CSMD1: variants seen among roughly 807,000 people sequenced by gnomAD.
The protein encoded by CSMD1 is CUB and sushi domain-containing protein 1.
A neutral mutation model predicts 417.5 loss-of-function variants in CSMD1; 213 were observed. The observed-to-expected ratio is 0.51, with a 90% confidence interval of 0.46 to 0.57. The LOEUF is 0.57. Among genes scored for constraint, CSMD1 ranks in the 20% least tolerant of loss-of-function variants. CSMD1 has a pLI of 0.00. For missense variants in CSMD1, 6,923 were observed against 4,529.7 expected (o/e 1.53, Z -15.17); for synonymous variants, 2,862 against 1,736.8 (o/e 1.65, Z -16.11).
In CSMD1 at chr8:4,007,396, T is replaced by G. The variant is rs146139159; in HGVS notation, c.611-9286A>C. On this transcript the variant is annotated intron_variant, in intron 4 of 69. Coordinates refer to ENST00000635120, the MANE Select transcript of CSMD1 (RefSeq NM_033225.6). ...CACTGCTTCCTGGGGCCAGGGCACC[T>G]ATGTTCCTGCCCTAAGGCCTTTGCA... Among the ~76,000 whole-genome samples, 922 of 152,332 alleles carry G rather than the reference T, an allele frequency of 6.1e-3. 7 individuals are homozygous for G. Among genetic ancestry groups the G allele is most frequent in the African/African-American group, 0.021 (893 of 41,584 alleles).
intron 5 of CSMD1, among the ~76,000 whole-genome samples, chr8:3,859,856 C>T (rs1399841557): frequency 1.3e-5 from 2 of 152,188 alleles, no homozygotes; most frequent in South Asian, 2.1e-4. Flanking sequence ...CTCCTGGGTA[C>T]AGCCTCAGGC....
At chr8:4,800,456 GA>G (rs1798220451) in intron 1 of CSMD1, among the ~76,000 whole-genome samples, 1 of 145,560 alleles carries the variant, frequency 6.9e-6, no homozygotes, top group African/African-American at 2.5e-5. Flanking sequence ...AAAAAAAAAG[GA>G]AAATTAAAAA....
chr8:3,831,388 T>C (rs1563124309), intron 5 of CSMD1, among the ~76,000 whole-genome samples: 1 of 152,114 alleles, frequency 6.6e-6, no homozygotes, highest in Non-Finnish European at 1.5e-5. Flanking sequence ...CAGAGACAAA[T>C]GATTCTTGGA....
chr8:4,614,422 C>T (rs754255925), intron 2 of CSMD1, among the ~76,000 whole-genome samples: 1 of 152,110 alleles, frequency 6.6e-6, no homozygotes, highest in African/African-American at 2.4e-5. Context: ...AAATCCAGCA[C>T]CTAAATAAGC....
intron 18 of CSMD1, among the ~76,000 whole-genome samples, chr8:3,379,851 G>A (rs1030677082): frequency 1.3e-5 from 2 of 152,158 alleles, no homozygotes; most frequent in Admixed American, 6.5e-5. Flanking sequence ...AGGACTTCAT[G>A]ACTAAAACAC....
intron 3 of CSMD1, among the ~76,000 whole-genome samples, chr8:4,156,787 G>A (rs1323009785): frequency 2.0e-5 from 3 of 152,068 alleles, no homozygotes; most frequent in Admixed American, 1.3e-4. Context: ...TTTTGGGAAG[G>A]GCCCAAATTA....
chr8:4,376,695 C>T (rs931304846), intron 3 of CSMD1, among the ~76,000 whole-genome samples: 8 of 152,142 alleles, frequency 5.3e-5, no homozygotes, highest in Admixed American at 4.6e-4. Flanking sequence ...AATATTAATT[C>T]TTTAATCTTT....
intron 1 of CSMD1, among the ~76,000 whole-genome samples, chr8:4,871,428 C>T (rs1171118761): frequency 2.0e-5 from 3 of 152,082 alleles, no homozygotes; most frequent in East Asian, 3.9e-4. Flanking sequence ...AGTTCCAGTA[C>T]AGTGGCAATT....
chr8:4,464,874 TTTTTTATTAG>T (rs1176370135), intron 2 of CSMD1, among the ~76,000 whole-genome samples: 1 of 152,076 alleles, frequency 6.6e-6, no homozygotes, highest in Non-Finnish European at 1.5e-5. Flanking sequence ...GTTTTATTAG[TTTTTTATTAG>T]TTTTTATTAG....
intron 5 of CSMD1, among the ~76,000 whole-genome samples, chr8:3,866,641 G>A (rs1805124874): frequency 6.6e-6 from 1 of 151,628 alleles, no homozygotes; most frequent in South Asian, 2.1e-4. Context: ...TATTTGGAAT[G>A]TGATTCAGGA....
intron 68 of CSMD1, among the ~76,000 whole-genome samples, chr8:2,946,645 T>C (rs1488151069): frequency 9.9e-5 from 15 of 152,250 alleles, no homozygotes; most frequent in Non-Finnish European, 2.9e-5. Flanking sequence ...CATCCATTGA[T>C]AGACATTTTG....
At chr8:3,801,066 C>T (rs1021873083) in intron 5 of CSMD1, among the ~76,000 whole-genome samples, 2 of 151,732 alleles carry the variant, frequency 1.3e-5, no homozygotes, top group African/African-American at 2.4e-5. Context: ...GGCCATGCTT[C>T]CCTTGATATG....
chr8:3,598,506 C>G (rs1009377517), intron 8 of CSMD1, among the ~76,000 whole-genome samples: 1 of 152,156 alleles, frequency 6.6e-6, no homozygotes, highest in Admixed American at 6.5e-5. Flanking sequence ...CCTTTCCTTC[C>G]CATCCTCCAA....
chr8:3,376,478 A>C (rs756135250), intron 18 of CSMD1, among the ~76,000 whole-genome samples: 4 of 152,056 alleles, frequency 2.6e-5, no homozygotes, highest in Non-Finnish European at 5.9e-5. Context: ...AAAATTTACA[A>C]TGTTAAATAT....
At chr8:4,282,046 T>A (rs1005023328) in intron 3 of CSMD1, among the ~76,000 whole-genome samples, 2 of 152,216 alleles carry the variant, frequency 1.3e-5, no homozygotes, top group Non-Finnish European at 2.9e-5. Context: ...ATAAACACTT[T>A]CCCTGGGTTG....
At chr8:4,500,430 G>T (rs547435481) in intron 2 of CSMD1, among the ~76,000 whole-genome samples, 1 of 152,150 alleles carries the variant, frequency 6.6e-6, no homozygotes, top group Non-Finnish European at 1.5e-5. Flanking sequence ...ACAAAAACTT[G>T]CGTAGATCGT....
chr8:3,707,400 G>C (rs566685264), intron 7 of CSMD1, among the ~76,000 whole-genome samples: 2 of 152,222 alleles, frequency 1.3e-5, no homozygotes, highest in African/African-American at 4.8e-5. Context: ...AAACACCGGG[G>C]ACAGGCGCAC....
intron 1 of CSMD1, among the ~76,000 whole-genome samples, chr8:4,919,441 G>T (rs1381791819): frequency 2.0e-5 from 3 of 151,980 alleles, no homozygotes; most frequent in African/African-American, 7.3e-5. Context: ...AAAAATTAAG[G>T]GGGATTTAAT....
chr8:4,917,646 T>TAAATG (rs1554519293), intron 1 of CSMD1, among the ~76,000 whole-genome samples: 2 of 70,730 alleles, frequency 2.8e-5, no homozygotes, highest in African/African-American at 5.7e-5. Flanking sequence ...AATAAATAAA[T>TAAATG]AAATGAAATA....
Sources: gnomAD v4.1 joint callset for allele counts (sites outside exome capture counted in the v4.1 genomes callset) on GRCh38, gnomAD v4.1.1 for gene constraint, MANE v1.5 for transcripts, NCBI Gene and HGNC (gene_info 2026-07-23, HGNC 2026-07-21) for gene names.